The following MCC variants were observed in gnomAD, a reference collection of about 807,000 sequenced individuals.
MCC encodes colorectal mutant cancer protein.
In MCC, 90 loss-of-function variants were observed where a neutral mutation model predicts 116.2. That is an observed-to-expected ratio of 0.77 (90% CI 0.65 to 0.92). MCC has a LOEUF of 0.92. Ranked by LOEUF, MCC falls within the 40% of genes least tolerant of loss-of-function variation. The probability of loss-of-function intolerance (pLI) is 0.00; values close to 1 mark genes in which losing one functional copy is unlikely to be tolerated. For missense variants in MCC, 1,516 were observed against 1,312.2 expected (o/e 1.16, Z -2.40); for synonymous variants, 578 against 510.5 (o/e 1.13, Z -1.78).
intron 3 of MCC, chr5:113,294,310 G>A: frequency 1.2e-6 from 2 of 1,613,500 alleles, no homozygotes; most frequent in Non-Finnish European, 1.7e-6. Flanking sequence ...CCTAGCTCCC[G>A]ACCTCAGCTG....
At chr5:113,420,711 G>A (rs1053001417) in intron 1 of MCC, among the ~76,000 whole-genome samples, 13 of 152,054 alleles carry the variant, frequency 8.5e-5, no homozygotes, top group African/African-American at 3.1e-4. Context: ...TTTCCCAAGG[G>A]TCTCTCAAAT....
At chr5:113,418,846 A>C (rs1272307089) in intron 1 of MCC, among the ~76,000 whole-genome samples, 1 of 152,176 alleles carries the variant, frequency 6.6e-6, no homozygotes, top group Non-Finnish European at 1.5e-5. Flanking sequence ...GACAAAACCA[A>C]TCAAAAAGCA....
Position 113,474,560 on chromosome 5 carries a change from G to T in MCC, c.170+13685C>A, listed in dbSNP as rs919919964. 2.6e-5 allele frequency among the ~76,000 whole-genome samples: 4 copies of T among 152,326 alleles called. No individual in the cohort carries two copies. In the East Asian group the frequency reaches 7.7e-4, roughly 29 times the overall value. ...CCCTAGAAGGAGTCTGAACTTATCT[G>T]TAAGGAACAGGCAACTGTTGAAGGA... On this transcript the variant is annotated intron_variant, in intron 1 of 18. Coordinates refer to ENST00000408903, the MANE Select transcript of MCC (RefSeq NM_001085377.2).
chr5:113,025,673 A>C lies in MCC; in HGVS notation c.*1629T>G, dbSNP rs180784494. On this transcript the variant is annotated 3_prime_UTR_variant, in exon 19 of 19. Coordinates refer to ENST00000408903, the MANE Select transcript of MCC (RefSeq NM_001085377.2). ...CCAGTGAACATTTTCATAGTGATCA[A>C]AGCACCCCAAAGCTGGTCCTTCTAG... 2.6e-5 allele frequency: 4 copies of C among 152,060 alleles called. No individual in the cohort carries two copies. The highest frequency in any genetic ancestry group is 9.7e-5 in the African/African-American group (4 of 41,418). The allele number at this position is 152,060 out of a possible 1,614,324, so 9.4% of individuals were successfully genotyped here.
chr5:113,271,261 C>T lies in MCC; in HGVS notation c.627+69258G>A, dbSNP rs1023987446. Among the ~76,000 whole-genome samples, 6 of 152,152 alleles carry T rather than the reference C, an allele frequency of 3.9e-5. No homozygotes were observed. In the South Asian group the frequency reaches 6.2e-4, roughly 16 times the overall value. ...CCTTGACTCAGTTTCCCATCATTAA[C>T]AATGGCACAGTCATCTCTTCTACCA... is the stretch of plus-strand genomic sequence containing the variant. On this transcript the variant is annotated intron_variant, in intron 3 of 18. Transcript: ENST00000408903.
intron 2 of MCC, among the ~76,000 whole-genome samples, chr5:113,347,809 A>G (rs934686957): frequency 3.3e-5 from 5 of 151,630 alleles, no homozygotes; most frequent in African/African-American, 9.7e-5. Context: ...GCAAGACCAA[A>G]TGACCAAATG....
chr5:113,164,312 T>C (rs963241908), intron 3 of MCC, among the ~76,000 whole-genome samples: 1 of 152,220 alleles, frequency 6.6e-6, no homozygotes, highest in East Asian at 1.9e-4. Flanking sequence ...TTACCTTACA[T>C]AGCAACTCTG....
At chr5:113,479,818 T>A (rs372261531) in intron 1 of MCC, among the ~76,000 whole-genome samples, 2 of 152,348 alleles carry the variant, frequency 1.3e-5, no homozygotes, top group East Asian at 3.9e-4. Context: ...ATTGTAGCTT[T>A]GAGGCTTTCA....
At position 113,332,352 on chromosome 5, in the gene MCC, G is replaced by A. The variant is rs574626864; in HGVS notation, c.627+8167C>T. On this transcript the variant is annotated intron_variant, in intron 3 of 18. Coordinates refer to ENST00000408903, the MANE Select transcript of MCC (RefSeq NM_001085377.2). The stretch of plus-strand genomic sequence containing the variant: ...TGCCACCATCCCTGGCTATAAATAA[G>A]TATTTTCCTAAGATTTACTTAATTC... 2.0e-5 allele frequency among the ~76,000 whole-genome samples: 3 copies of A among 151,488 alleles called. No individual in the cohort carries two copies. The East Asian group carries it at 5.8e-4, about 29-fold the overall frequency.
intron 5 of MCC, among the ~76,000 whole-genome samples, chr5:113,141,899 G>C (rs1759200614): frequency 6.6e-6 from 1 of 152,114 alleles, no homozygotes; most frequent in Non-Finnish European, 1.5e-5. Flanking sequence ...GTGTTTAAAA[G>C]TGCATAAAAA....
chr5:113,379,091 C>A (rs1347891571), intron 2 of MCC, among the ~76,000 whole-genome samples: 1 of 152,224 alleles, frequency 6.6e-6, no homozygotes, highest in Non-Finnish European at 1.5e-5. Flanking sequence ...TGCCCTCAGA[C>A]CCTGCCTCAA....
At chr5:113,282,917 CT>C (rs1328606494) in intron 3 of MCC, among the ~76,000 whole-genome samples, 1 of 152,192 alleles carries the variant, frequency 6.6e-6, no homozygotes, top group East Asian at 1.9e-4. Flanking sequence ...CCTAAAACTC[CT>C]CTTTGAAGAC....
intron 3 of MCC, among the ~76,000 whole-genome samples, chr5:113,152,936 A>T (rs1374154360): frequency 6.6e-6 from 1 of 152,194 alleles, no homozygotes; most frequent in African/African-American, 2.4e-5. Context: ...TTTCAGATAC[A>T]ACGTTTTGTG....
At position 113,434,431 on chromosome 5, in the gene MCC, G is replaced by T. The variant is rs377172387; in HGVS notation, c.171-49219C>A. Reference sequence around the variant, plus strand: ...TCAAGGAGAAGGTTGTCACACTTGAGGTCCCGGTGGACGACGTCCAGGTCG... The same window carrying T: ...TCAAGGAGAAGGTTGTCACACTTGATGTCCCGGTGGACGACGTCCAGGTCG... On this transcript the variant is annotated intron_variant, in intron 1 of 18. Coordinates refer to ENST00000408903, the MANE Select transcript of MCC (RefSeq NM_001085377.2). The surrounding 1 kb of genome is among the most constrained non-coding windows in gnomAD (Gnocchi z 4.2). 1 of 1,613,962 alleles carries T rather than the reference G, an allele frequency of 6.2e-7. No homozygotes were observed. The highest frequency in any genetic ancestry group is 1.1e-5 in the South Asian group (1 of 91,062).
At chr5:113,435,965 C>G (rs2150413542) in intron 1 of MCC, 2 of 152,708 alleles carry the variant, frequency 1.3e-5, no homozygotes, top group South Asian at 4.1e-4. Flanking sequence ...GTGACTGGTT[C>G]TGTGTCCAGC....
At chr5:113,233,481 A>G (rs1302869886) in intron 3 of MCC, among the ~76,000 whole-genome samples, 1 of 152,198 alleles carries the variant, frequency 6.6e-6, no homozygotes, top group Admixed American at 6.5e-5. Flanking sequence ...AGTTTCCTTA[A>G]AACTTGACAG....
At chr5:113,382,652 TAAG>T (rs1184344758) in intron 2 of MCC, among the ~76,000 whole-genome samples, 1 of 152,150 alleles carries the variant, frequency 6.6e-6, no homozygotes, top group Non-Finnish European at 1.5e-5. Context: ...GTAATAATAA[TAAG>T]AATATTAGTT....
At chr5:113,225,496 T>C (rs1161640071) in intron 3 of MCC, among the ~76,000 whole-genome samples, 1 of 152,216 alleles carries the variant, frequency 6.6e-6, no homozygotes, top group African/African-American at 2.4e-5. Context: ...TTCTGGAATT[T>C]ACTGAAAGCT....
intron 7 of MCC, 110 bp downstream of exon 7, chr5:113,104,082 G>A (rs1335895330): frequency 2.6e-6 from 3 of 1,142,722 alleles, no homozygotes; most frequent in African/African-American, 3.1e-5. Context: ...GGCTCTCATG[G>A]AAACATTCAT....
Sources: gnomAD v4.1 joint callset for allele counts (sites outside exome capture counted in the v4.1 genomes callset) on GRCh38, gnomAD v4.1.1 for gene constraint, Gnocchi (gnomAD v3.1) non-coding constraint, MANE v1.5 for transcripts, NCBI Gene and HGNC (gene_info 2026-07-23, HGNC 2026-07-21) for gene names.